Variants in CNBD1 observed in about 807,000 individuals in gnomAD.
The protein encoded by CNBD1 is cyclic nucleotide-binding domain-containing protein 1.
A neutral mutation model predicts 54.4 loss-of-function variants in CNBD1; 71 were observed. The ratio of observed to expected loss-of-function variants is 1.30; its 90% CI spans 1.08 to 1.59. CNBD1 has a LOEUF of 1.59. CNBD1 is among the 40% of genes most tolerant of loss of function. CNBD1 has a pLI of 0.00. For synonymous variants in CNBD1, 182 were observed against 170.7 expected (o/e 1.07, Z -0.51); for missense variants, 659 against 518.0 (o/e 1.27, Z -2.64).
intron 5 of CNBD1, among the ~76,000 whole-genome samples, chr8:87,235,597 T>A (rs1807570029): frequency 1.3e-5 from 2 of 152,166 alleles, no homozygotes; most frequent in South Asian, 4.1e-4. Flanking sequence ...TTATCTTATA[T>A]GTGCATAGTT....
chr8:87,319,270 G>T (rs945856916), intron 8 of CNBD1, among the ~76,000 whole-genome samples: 4 of 152,100 alleles, frequency 2.6e-5, no homozygotes, highest in Admixed American at 2.6e-4. Context: ...TTCAATGCTT[G>T]ATGTGGAAGT....
intron 5 of CNBD1, among the ~76,000 whole-genome samples, chr8:87,214,693 C>T (rs1231810840): frequency 3.9e-5 from 6 of 152,104 alleles, no homozygotes; most frequent in Admixed American, 1.3e-4. Flanking sequence ...ATGTGACTAG[C>T]GAGGCCTCAC....
chr8:87,005,346 G>C (rs1051502878), intron 4 of CNBD1, among the ~76,000 whole-genome samples: 27 of 151,822 alleles, frequency 1.8e-4, no homozygotes, highest in African/African-American at 6.5e-4. Context: ...CTCCAGCCTG[G>C]GCAACAGAGC....
intron 4 of CNBD1, among the ~76,000 whole-genome samples, chr8:87,204,045 A>T (rs1356977241): frequency 6.6e-6 from 1 of 152,064 alleles, no homozygotes; most frequent in African/African-American, 2.4e-5. Flanking sequence ...TTATCTTTTG[A>T]CCTGTTGGAC....
chr8:87,063,454 G>A (rs1302906306), intron 4 of CNBD1, among the ~76,000 whole-genome samples: 1 of 152,042 alleles, frequency 6.6e-6, no homozygotes, highest in Admixed American at 6.6e-5. Context: ...CAAGTGTTTA[G>A]TTCTGGGCTC....
chr8:86,960,023 C>A (rs112524215), intron 4 of CNBD1, among the ~76,000 whole-genome samples: 21,638 of 151,974 alleles, frequency 0.14, 2,184 homozygotes, highest in African/African-American at 0.29. Context: ...GGTGACCTAC[C>A]GATGTGGCCA....
At chr8:87,232,498 G>A (rs1056780206) in intron 5 of CNBD1, among the ~76,000 whole-genome samples, 7 of 151,910 alleles carry the variant, frequency 4.6e-5, no homozygotes, top group East Asian at 1.9e-4. Flanking sequence ...AAATAAATGC[G>A]CTTATTCAAA....
intron 6 of CNBD1, among the ~76,000 whole-genome samples, chr8:87,261,953 C>T (rs1021961183): frequency 2.0e-5 from 3 of 150,072 alleles, no homozygotes; most frequent in African/African-American, 7.4e-5. Flanking sequence ...CAAGACTAGT[C>T]TGGCCAACAT....
intron 10 of CNBD1, 128 bp downstream of exon 10, chr8:87,353,914 T>C: frequency 1.6e-6 from 1 of 608,688 alleles, no homozygotes; most frequent in Non-Finnish European, 2.8e-6. Context: ...AAGGATGGAG[T>C]ATTTGCATAA....
chr8:87,114,131 A>G (rs1811723264), intron 4 of CNBD1, among the ~76,000 whole-genome samples: 1 of 152,192 alleles, frequency 6.6e-6, no homozygotes, highest in South Asian at 2.1e-4. Context: ...CATACTACTC[A>G]GTAATTTTTG....
chr8:86,876,101 C>T (rs1228269045), intron 1 of CNBD1, among the ~76,000 whole-genome samples: 3 of 151,978 alleles, frequency 2.0e-5, no homozygotes, highest in African/African-American at 7.2e-5. Flanking sequence ...CAATATTTAA[C>T]AAGCATATGT....
At chr8:86,881,423 C>A (rs1340160806) in intron 1 of CNBD1, among the ~76,000 whole-genome samples, 1 of 151,938 alleles carries the variant, frequency 6.6e-6, no homozygotes, top group East Asian at 1.9e-4. Flanking sequence ...TAACAATTGC[C>A]ACAGAAAGAA....
At chr8:87,307,445 A>G (rs1392650306) in intron 8 of CNBD1, among the ~76,000 whole-genome samples, 1 of 152,176 alleles carries the variant, frequency 6.6e-6, no homozygotes, top group Non-Finnish European at 1.5e-5. Context: ...AAGTGATCAG[A>G]ACTTAGCAAG....
intron 4 of CNBD1, among the ~76,000 whole-genome samples, chr8:87,143,697 A>G (rs886457624): frequency 6.6e-6 from 1 of 152,220 alleles, no homozygotes; most frequent in African/African-American, 2.4e-5. Context: ...GCAATTAAAT[A>G]TCCAAACCTG....
In CNBD1 at chr8:87,424,670, C is replaced by T. The variant is rs971589230; in HGVS notation, c.214-3876C>T. ...TACAGAAGCTCTCTTCTGGCTTGTACGGTTTCTGCCAAGAGATCCGCTGTT... is the reference window on the plus strand; with the variant it reads ...TACAGAAGCTCTCTTCTGGCTTGTATGGTTTCTGCCAAGAGATCCGCTGTT... On this transcript the variant is annotated intron_variant, in intron 2 of 7. Coordinates refer to the CNBD1 transcript ENST00000521593. Among the ~76,000 whole-genome samples the T allele has an allele frequency of 1.2e-4, 19 of 152,192 alleles. No homozygotes were observed. In the South Asian group the frequency reaches 1.5e-3, roughly 12 times the overall value.
chr8:87,323,530 T>G (rs1375493738), intron 8 of CNBD1, among the ~76,000 whole-genome samples: 1 of 121,242 alleles, frequency 8.2e-6, no homozygotes, highest in Admixed American at 8.0e-5. Context: ...CCCTTGTAAG[T>G]TGGATTCCTA....
chr8:87,074,541 G>A (rs1413584642), intron 4 of CNBD1, among the ~76,000 whole-genome samples: 2 of 152,154 alleles, frequency 1.3e-5, no homozygotes, highest in East Asian at 1.9e-4. Context: ...ACAGCAATAT[G>A]TATCGAATCC....
At chr8:87,367,953 C>T (rs980691021) in intron 10 of CNBD1, among the ~76,000 whole-genome samples, 4 of 151,900 alleles carry the variant, frequency 2.6e-5, no homozygotes, top group African/African-American at 9.7e-5. Flanking sequence ...AGGTGGATCA[C>T]GAGGTCAGGA....
At chr8:87,108,512 T>C (rs1172898824) in intron 4 of CNBD1, among the ~76,000 whole-genome samples, 1 of 152,192 alleles carries the variant, frequency 6.6e-6, no homozygotes, top group Non-Finnish European at 1.5e-5. Flanking sequence ...ATTTATGCAT[T>C]GTTTAAAAGC....
Sources: allele counts gnomAD v4.1 joint callset (sites outside exome capture counted in the v4.1 genomes callset), GRCh38; gene constraint gnomAD v4.1.1; transcripts MANE v1.5; gene names NCBI Gene and HGNC (gene_info 2026-07-23, HGNC 2026-07-21).